Variants in TJP3 observed in about 807,000 individuals in gnomAD.
TJP3 encodes the protein tight junction protein ZO-3.
Under a neutral mutation model 104.2 loss-of-function variants are expected in TJP3, and 85 were observed. That is an observed-to-expected ratio of 0.82 (90% CI 0.68 to 0.98). TJP3 has a LOEUF of 0.98. TJP3 is among the 50% of genes least tolerant of loss of function. The pLI is 0.00. For missense variants in TJP3, 1,367 were observed against 1,322.8 expected, an observed-to-expected ratio of 1.03 and a Z score of -0.52; for synonymous variants, 550 against 550.6, an observed-to-expected ratio of 1.00 and a Z score of 0.02.
At position 3,750,681 on chromosome 19, in the gene TJP3, G is replaced by A. The variant is rs745789865; in HGVS notation, c.2757G>A (p.Leu919=). The A allele has an allele frequency of 6.3e-7, 1 of 1,595,998 alleles. No homozygotes were observed. Among genetic ancestry groups the A allele is most frequent in the Admixed American group, 1.8e-5 (1 of 57,048 alleles). ...DGYDWGPATD[L] ...ATGACTGGGGTCCGGCCACTGACCT[G>A]TGACCTCTCGAAGGCTGCCAGCTGG... The change falls in exon 21 of 21, where the codon CTG becomes CTA. Residue 919 remains leucine, a synonymous_variant. Transcript: ENST00000541714.
rs1300398104 is a variant in TJP3 at position 3,746,195 on chromosome 19, C to T, written c.2010+114C>T. ...CCCACACCCCACAAGTGCAGTCTTC[C>T]ATAGAGCCCCTTTTGGAGGCTTTGT... On this transcript the variant is annotated intron_variant, in intron 16 of 20. Transcript: ENST00000541714. This position sits in a 1 kb window ranked among gnomAD's most constrained non-coding sequence, Gnocchi z 4.1. The T allele has an allele frequency of 2.1e-5, 23 of 1,121,598 alleles. No individual in the cohort carries two copies. The Admixed American group carries it at 2.4e-4, about 12-fold the overall frequency. 69.5% of individuals were successfully genotyped at this position (1,121,598 alleles called of 1,614,324 possible).
intron 18 of TJP3, among the ~76,000 whole-genome samples, chr19:3,747,351 G>T (rs772742154): frequency 1.5e-4 from 23 of 152,130 alleles, no homozygotes; most frequent in African/African-American, 5.5e-4. Flanking sequence ...CTGAGCCACC[G>T]CGCCCAGCCT....
At position 3,730,758 on chromosome 19, in the gene TJP3, T is replaced by TG; in HGVS notation, c.613+54dup. 1 of 1,527,746 alleles carries TG rather than the reference T, an allele frequency of 6.5e-7. No homozygotes were observed. Among genetic ancestry groups the TG allele is most frequent in the South Asian group, 1.2e-5 (1 of 83,618 alleles). 94.6% of individuals were successfully genotyped at this position (1,527,746 alleles called of 1,614,324 possible). On this transcript the variant is annotated intron_variant, in intron 5 of 20. Coordinates refer to ENST00000541714, the MANE Select transcript of TJP3 (RefSeq NM_001267560.2). This position sits in a 1 kb window ranked among gnomAD's most constrained non-coding sequence, Gnocchi z 7.3. ...GATCAGTACTGGACACAGGGCACCG[T>TG]GGTCGGATGGGCGACGGTTTCAAGT...
intron 8 of TJP3, among the ~76,000 whole-genome samples, chr19:3,734,800 CA>C (rs2036717894): frequency 6.6e-6 from 1 of 152,076 alleles, no homozygotes; most frequent in Admixed American, 6.6e-5. Flanking sequence ...ACTAAGATAC[CA>C]AAATTAGCCC....
chr19:3,726,500 G>A (rs996117666), intron 1 of TJP3, among the ~76,000 whole-genome samples: 1 of 152,142 alleles, frequency 6.6e-6, no homozygotes. Flanking sequence ...TTGGGAGGCT[G>A]AGGCAGGAGA....
chr19:3,740,224 CTA>C (rs1441954435), intron 13 of TJP3, among the ~76,000 whole-genome samples: 1 of 151,128 alleles, frequency 6.6e-6, no homozygotes, highest in Non-Finnish European at 1.5e-5. Flanking sequence ...GAGCGAGACT[CTA>C]TCTCAAAAAA....
At chr19:3,731,446 A>T (rs2074992) in intron 5 of TJP3, among the ~76,000 whole-genome samples, 1 of 151,852 alleles carries the variant, frequency 6.6e-6, no homozygotes, top group Non-Finnish European at 1.5e-5. Context: ...CAGCCTGACC[A>T]CTATGATGAA....
intron 13 of TJP3, among the ~76,000 whole-genome samples, chr19:3,740,268 C>T (rs956940396): frequency 3.9e-5 from 6 of 152,060 alleles, no homozygotes; most frequent in Non-Finnish European, 5.9e-5. Context: ...ATTAGCTGGG[C>T]GTGGTGGCGG....
Position 3,744,037 on chromosome 19 carries a change from G to A in TJP3, c.1939+3G>A, listed in dbSNP as rs1257270584. 1.2e-6 allele frequency: 2 copies of A among 1,613,640 alleles called. No homozygotes were observed. The highest frequency in any genetic ancestry group is 3.3e-5 in the Admixed American group (2 of 59,988). ...GCCTGACCAGTTTGAAATCGCAGGT[G>A]AGAAGCCAGATCCTCTGGAAACCTC... On this transcript the variant is annotated splice_donor_region_variant and intron_variant, in intron 15 of 20. Coordinates refer to ENST00000541714, the MANE Select transcript of TJP3 (RefSeq NM_001267560.2).
chr19:3,721,891 C>G (rs557630841), intron 1 of TJP3: 1 of 1,229,662 alleles, frequency 8.1e-7, no homozygotes, highest in African/African-American at 1.6e-5. Flanking sequence ...CCCAGGTGGA[C>G]CATGGCGGTG....
intron 13 of TJP3, among the ~76,000 whole-genome samples, chr19:3,739,514 AT>A (rs1244978966): frequency 6.6e-6 from 1 of 152,168 alleles, no homozygotes; most frequent in Non-Finnish European, 1.5e-5. Context: ...TAGGCATGAT[AT>A]CACTGCTTAG....
chr19:3,718,483 G>A (rs894100704), intron 1 of TJP3, among the ~76,000 whole-genome samples: 22 of 150,132 alleles, frequency 1.5e-4, no homozygotes, highest in African/African-American at 5.1e-4. Flanking sequence ...GGTGGGGGGC[G>A]GGGTGGACAG....
intron 1 of TJP3, among the ~76,000 whole-genome samples, chr19:3,712,361 G>A (rs1028892041): frequency 6.6e-6 from 1 of 152,102 alleles, no homozygotes; most frequent in Non-Finnish European, 1.5e-5. Context: ...TAGCGTAGAT[G>A]GTTTCCATGG....
At chr19:3,717,998 A>G (rs530487457) in intron 1 of TJP3, among the ~76,000 whole-genome samples, 42 of 151,364 alleles carry the variant, frequency 2.8e-4, no homozygotes, top group South Asian at 1.0e-3. Flanking sequence ...GGCGGATCAC[A>G]AGGTCAGGAG....
chr19:3,735,244 G>A (rs562966974), intron 8 of TJP3, among the ~76,000 whole-genome samples: 2 of 152,128 alleles, frequency 1.3e-5, no homozygotes, highest in South Asian at 4.2e-4. Context: ...CTGTCGCCCA[G>A]GCTGGAGTGC....
Position 3,730,459 on chromosome 19 carries a change from G to A in TJP3, c.366G>A (p.Glu122=). The stretch of plus-strand genomic sequence containing the variant: ...AAGACGATGGGCCCCAGCGGGTGGA[G>A]GAGGTGGACCAGGGCCGGGGCTATG... ...SDEDDGPQRV[E]EVDQGRGYDG... The change falls in exon 5 of 21, where the codon GAG becomes GAA. Residue 122 remains glutamate (E), a synonymous_variant. Transcript: ENST00000541714. This position sits in a 1 kb window ranked among gnomAD's most constrained non-coding sequence, Gnocchi z 7.3. The A allele has an allele frequency of 2.5e-6, 4 of 1,587,186 alleles. No homozygotes were observed. Among genetic ancestry groups the A allele is most frequent in the Non-Finnish European group, 3.4e-6 (4 of 1,167,206 alleles).
At chr19:3,713,855 A>T (rs1229068292) in intron 1 of TJP3, among the ~76,000 whole-genome samples, 2 of 148,952 alleles carry the variant, frequency 1.3e-5, no homozygotes, top group Non-Finnish European at 3.0e-5. Context: ...AGCTGGGACT[A>T]CAGGCGCCCG....
At chr19:3,744,796 C>T (rs1027871296) in intron 15 of TJP3, among the ~76,000 whole-genome samples, 1 of 151,746 alleles carries the variant, frequency 6.6e-6, no homozygotes, top group African/African-American at 2.4e-5. Flanking sequence ...GACATGGTGG[C>T]GCATGCCTGT....
chr19:3,733,080 G>T (rs1008572823), intron 6 of TJP3, among the ~76,000 whole-genome samples: 2 of 151,020 alleles, frequency 1.3e-5, no homozygotes, highest in African/African-American at 2.4e-5. Context: ...CTGTCACCCA[G>T]GCTGGAGTGC....
Sources: allele counts gnomAD v4.1 joint callset (sites outside exome capture counted in the v4.1 genomes callset), GRCh38; gene constraint gnomAD v4.1.1; non-coding constraint Gnocchi (gnomAD v3.1); transcripts MANE v1.5; gene names NCBI Gene and HGNC (gene_info 2026-07-23, HGNC 2026-07-21).